PCDH9: variants seen among roughly 807,000 people sequenced by gnomAD.
PCDH9 encodes protocadherin 9.
PCDH9 carries 24 observed loss-of-function variants against 70.6 expected under a neutral mutation model. The ratio of observed to expected loss-of-function variants is 0.34; its 90% CI spans 0.25 to 0.48. The LOEUF (loss-of-function observed/expected upper bound fraction) is 0.48. Ranked by LOEUF, PCDH9 falls within the 20% of genes least tolerant of loss-of-function variation. The probability of loss-of-function intolerance (pLI) is 0.99; values close to 1 mark genes in which losing one functional copy is unlikely to be tolerated. For missense variants in PCDH9, 1,281 were observed against 1,503.6 expected (o/e 0.85, Z 2.45); for synonymous variants, 562 against 558.5 (o/e 1.01, Z -0.09).
At chr13:67,134,880 A>G (rs1219594704) in intron 2 of PCDH9, among the ~76,000 whole-genome samples, 1 of 152,122 alleles carries the variant, frequency 6.6e-6, no homozygotes, top group Non-Finnish European at 1.5e-5. Context: ...CTGATTATTT[A>G]AAAAGATAAA....
rs766591580 is a variant in PCDH9 at position 67,228,141 on chromosome 13, G to A, written c.300C>T (p.Gly100=). ...NRIDREKLCA[G]ASYAEENECF... is the part of the protein sequence containing the mutation. ...ACTCATTCTCCTCAGCATATGAGGC[G>A]CCAGCACAGAGTTTTTCTCTGTCTA... Residue 100 remains glycine, a synonymous_variant, in exon 2 of 5, where the codon GGC becomes GGT. Transcript: ENST00000377865. The A allele has an allele frequency of 1.4e-5, 22 of 1,613,916 alleles. No individual in the cohort carries two copies. Among genetic ancestry groups the A allele is most frequent in the East Asian group, 6.7e-5 (3 of 44,892 alleles).
intron 2 of PCDH9, among the ~76,000 whole-genome samples, chr13:66,937,345 G>A (rs1022394815): frequency 1.3e-5 from 2 of 152,140 alleles, no homozygotes; most frequent in Admixed American, 6.5e-5. Flanking sequence ...ACTCTAAACC[G>A]CCTGTTCTTA....
intron 2 of PCDH9, among the ~76,000 whole-genome samples, chr13:67,042,972 A>C (rs921423153): frequency 5.3e-5 from 8 of 152,172 alleles, no homozygotes; most frequent in African/African-American, 1.9e-4. Context: ...GAGGGATTGC[A>C]TAGAAGGAGG....
Position 66,677,023 on chromosome 13 carries a change from G to A in PCDH9, c.3139-45612C>T, listed in dbSNP as rs541846595. Among the ~76,000 whole-genome samples, 124 of 152,034 alleles carry A rather than the reference G, an allele frequency of 8.2e-4. 1 individual carries two copies. In the Middle Eastern group the frequency reaches 0.044, roughly 54 times the overall value. On this transcript the variant is annotated intron_variant, in intron 3 of 4. Transcript: ENST00000377865. ...ATTAAAAGTTTTTTTAGATCACACC[G>A]AAGAAGATACAGATAGTGACACAGG... is the stretch of plus-strand genomic sequence containing the variant.
At chr13:66,848,950 A>C (rs1360399034) in intron 3 of PCDH9, among the ~76,000 whole-genome samples, 7 of 151,552 alleles carry the variant, frequency 4.6e-5, no homozygotes, top group Non-Finnish European at 8.8e-5. Flanking sequence ...AAAAAAAAAA[A>C]AATAGAGGAG....
intron 4 of PCDH9, among the ~76,000 whole-genome samples, chr13:66,335,463 A>C (rs1956021454): frequency 6.6e-6 from 1 of 152,154 alleles, no homozygotes; most frequent in Admixed American, 6.6e-5. Context: ...CAAACAAAAA[A>C]TGCTAACATT....
At chr13:66,482,309 T>C (rs1452054458) in intron 4 of PCDH9, among the ~76,000 whole-genome samples, 1 of 152,208 alleles carries the variant, frequency 6.6e-6, no homozygotes, top group Non-Finnish European at 1.5e-5. Flanking sequence ...ACGTTTGTCA[T>C]TTCCGTCTCC....
chr13:66,894,603 G>T (rs2082146783), intron 3 of PCDH9, among the ~76,000 whole-genome samples: 1 of 151,954 alleles, frequency 6.6e-6, no homozygotes. Flanking sequence ...CCAGAATTTG[G>T]TGAAACACCA....
At chr13:66,878,304 G>A (rs1225300757) in intron 3 of PCDH9, among the ~76,000 whole-genome samples, 1 of 151,848 alleles carries the variant, frequency 6.6e-6, no homozygotes, top group African/African-American at 2.4e-5. Flanking sequence ...TCAGCTCACT[G>A]CAACCTCTGC....
intron 2 of PCDH9, among the ~76,000 whole-genome samples, chr13:67,092,189 A>G (rs1053749028): frequency 6.6e-6 from 1 of 152,184 alleles, no homozygotes; most frequent in African/African-American, 2.4e-5. Context: ...TTAGATTTTT[A>G]AAATGGAATT....
At chr13:67,112,490 T>C (rs2086676542) in intron 2 of PCDH9, among the ~76,000 whole-genome samples, 2 of 152,160 alleles carry the variant, frequency 1.3e-5, no homozygotes, top group Admixed American at 1.3e-4. Flanking sequence ...ATGGAAGAGA[T>C]TATCATTTGC....
intron 4 of PCDH9, among the ~76,000 whole-genome samples, chr13:66,343,013 T>A (rs971877479): frequency 1.3e-5 from 2 of 152,002 alleles, no homozygotes; most frequent in Non-Finnish European, 2.9e-5. Context: ...CAGAGATCCC[T>A]TTTCATTTCC....
intron 4 of PCDH9, among the ~76,000 whole-genome samples, chr13:66,432,798 A>G (rs956720933): frequency 7.2e-5 from 11 of 152,024 alleles, no homozygotes; most frequent in Non-Finnish European, 1.2e-4. Context: ...CATGCATAAA[A>G]TGAGGAAGAA....
At chr13:66,879,724 G>A (rs2081889641) in intron 3 of PCDH9, among the ~76,000 whole-genome samples, 1 of 151,754 alleles carries the variant, frequency 6.6e-6, no homozygotes, top group Non-Finnish European at 1.5e-5. Flanking sequence ...CAGATGTAGA[G>A]ATATGAAAAA....
At chr13:66,397,487 T>TAC (rs1468777502) in intron 4 of PCDH9, among the ~76,000 whole-genome samples, 1 of 150,688 alleles carries the variant, frequency 6.6e-6, no homozygotes, top group African/African-American at 2.4e-5. Flanking sequence ...TGTATATATA[T>TAC]ATATGTATAC....
intron 2 of PCDH9, among the ~76,000 whole-genome samples, chr13:67,077,526 T>C (rs1433909835): frequency 6.6e-6 from 1 of 152,206 alleles, no homozygotes. Flanking sequence ...ATAATCTCAC[T>C]ACACTAAAAG....
At chr13:66,682,190 T>C (rs1392863329) in intron 3 of PCDH9, among the ~76,000 whole-genome samples, 1 of 152,036 alleles carries the variant, frequency 6.6e-6, no homozygotes, top group East Asian at 1.9e-4. Flanking sequence ...ATCCCTGCTC[T>C]ATGAAATTTT....
At chr13:66,377,087 T>C (rs1309936545) in intron 4 of PCDH9, among the ~76,000 whole-genome samples, 1 of 152,188 alleles carries the variant, frequency 6.6e-6, no homozygotes, top group East Asian at 1.9e-4. Flanking sequence ...TGTGGTCATA[T>C]TGTCATTTGT....
intron 3 of PCDH9, among the ~76,000 whole-genome samples, chr13:66,833,645 G>A (rs1436043429): frequency 6.6e-6 from 1 of 152,048 alleles, no homozygotes; most frequent in Non-Finnish European, 1.5e-5. Flanking sequence ...TTTTTAATGG[G>A]TGAATAATTG....
Sources: gnomAD v4.1 joint callset for allele counts (sites outside exome capture counted in the v4.1 genomes callset) on GRCh38, gnomAD v4.1.1 for gene constraint, MANE v1.5 for transcripts, NCBI Gene and HGNC (gene_info 2026-07-23, HGNC 2026-07-21) for gene names.